Variants in LRRC7 observed in about 807,000 individuals in gnomAD.
LRRC7 encodes leucine rich repeat containing 7.
Under a neutral mutation model 175.7 loss-of-function variants are expected in LRRC7, and 23 were observed. The ratio of observed to expected loss-of-function variants is 0.13; its 90% confidence interval spans 0.09 to 0.19. The LOEUF (loss-of-function observed/expected upper bound fraction) is 0.19. Ranked by LOEUF, LRRC7 falls within the 10% of genes least tolerant of loss-of-function variation. The pLI, the probability that LRRC7 is intolerant of heterozygous loss-of-function variation, is 1.00. For missense variants in LRRC7, 1,354 were observed against 1,904.7 expected, an observed-to-expected ratio of 0.71 and a Z score of 5.38; for synonymous variants, 685 against 680.9, an observed-to-expected ratio of 1.01 and a Z score of -0.09.
chr1:69,977,095 C>T lies in LRRC7; in HGVS notation c.712-3284C>T, dbSNP rs186752478. 1.6e-3 allele frequency among the ~76,000 whole-genome samples: 238 copies of T among 152,334 alleles called. 3 individuals are homozygous for T. The Middle Eastern group carries it at 0.02, about 13-fold the overall frequency. On this transcript the variant is annotated intron_variant, in intron 8 of 26. Transcript: ENST00000651989. ...GGTGACATCACCACATGCTGGGAAA[C>T]TGGAAGACATGTTTGTGCATGACTC...
intron 16 of LRRC7, among the ~76,000 whole-genome samples, chr1:70,022,868 A>G (rs1292931850): frequency 6.6e-6 from 1 of 152,164 alleles, no homozygotes; most frequent in Admixed American, 6.5e-5. Flanking sequence ...TTCAACTTTC[A>G]AATGGACTAG....
chr1:69,735,212 A>G (rs1196781914), intron 2 of LRRC7, among the ~76,000 whole-genome samples: 2 of 152,068 alleles, frequency 1.3e-5, no homozygotes, highest in East Asian at 1.9e-4. Flanking sequence ...TATCTAATAT[A>G]TAATTCATAT....
At chr1:69,725,876 T>A (rs1369349772) in intron 2 of LRRC7, among the ~76,000 whole-genome samples, 1 of 152,160 alleles carries the variant, frequency 6.6e-6, no homozygotes, top group Non-Finnish European at 1.5e-5. Flanking sequence ...TACCAGGAAA[T>A]CAAGTTTTGA....
intron 26 of LRRC7, among the ~76,000 whole-genome samples, chr1:70,118,954 T>TA (rs893807105): frequency 1.7e-3 from 250 of 151,230 alleles, no homozygotes; most frequent in African/African-American, 5.7e-3. Context: ...ACACCTTGTT[T>TA]AAAAAAAAAT....
Position 69,568,494 on chromosome 1 carries a change from T to A in LRRC7, c.-146T>A. ...TGGATTCCCCTCTATCTCCTGTTCT[T>A]CCTACCTTCTACTCCTTCCCTCCTC... is the stretch of plus-strand genomic sequence containing the variant. On this transcript the variant is annotated 5_prime_UTR_variant, in exon 1 of 27. Transcript: ENST00000651989. 1 of 598,332 alleles carries A rather than the reference T, an allele frequency of 1.7e-6. No homozygotes were observed. The highest frequency in any genetic ancestry group is 1.9e-5 in the South Asian group (1 of 51,342). 37.1% of individuals were successfully genotyped at this position (598,332 alleles called of 1,614,324 possible).
intron 14 of LRRC7, 53 bp downstream of exon 14, chr1:70,016,587 T>C: frequency 7.4e-7 from 1 of 1,349,536 alleles, no homozygotes; most frequent in South Asian, 1.5e-5. Context: ...TAATTGAAAG[T>C]TTGAATTACT....
intron 8 of LRRC7, among the ~76,000 whole-genome samples, chr1:69,954,375 T>A (rs1650275287): frequency 6.6e-6 from 1 of 152,036 alleles, no homozygotes; most frequent in Non-Finnish European, 1.5e-5. Context: ...AGAGCTCTCA[T>A]TTTTGTTTCA....
At position 70,028,255 on chromosome 1, in the gene LRRC7, A is replaced by C. The variant is rs534680122; in HGVS notation, c.1879A>C (p.Lys627Gln). 2.4e-5 allele frequency: 38 copies of C among 1,613,850 alleles called. No individual in the cohort carries two copies. The South Asian group carries it at 4.2e-4, about 18-fold the overall frequency. The change falls in exon 18 of 27, where the codon AAG becomes CAG. Residue 627 changes from lysine to glutamine, a missense_variant. Physicochemically the swap from Lys to Gln is moderately conservative, Grantham distance 53. Coordinates refer to ENST00000651989, the MANE Select transcript of LRRC7 (RefSeq NM_001370785.2). The part of the protein sequence containing the change: ...MVKSVQNLVG[K>Q]PSHGVRVENS... ...AAAATCTGTTCAAAATTTGGTGGGTAAGCCAAGCCATGGAGTGCGTGTTGA... is the reference window on the plus strand; with the variant it reads ...AAAATCTGTTCAAAATTTGGTGGGTCAGCCAAGCCATGGAGTGCGTGTTGA...
Position 70,073,758 on chromosome 1 carries a change from T to C in LRRC7, c.4231-2319T>C, listed in dbSNP as rs565394692. On this transcript the variant is annotated intron_variant, in intron 23 of 26. Transcript: ENST00000651989. The stretch of plus-strand genomic sequence containing the variant: ...TGAAGACCCATGAATATTCTGCCAG[T>C]GGAAGCAGATATAAACTTAAAAATC... Among the ~76,000 whole-genome samples, 13 of 152,336 alleles carry C rather than the reference T, an allele frequency of 8.5e-5. No individual in the cohort carries two copies. In the East Asian group the frequency reaches 2.3e-3, roughly 27 times the overall value.
chr1:69,716,578 A>G (rs1003310076), intron 2 of LRRC7, among the ~76,000 whole-genome samples: 2 of 151,872 alleles, frequency 1.3e-5, no homozygotes, highest in Admixed American at 6.6e-5. Context: ...AAATGCATTG[A>G]TTCCTCTCAT....
chr1:69,741,368 C>T (rs531057043), intron 2 of LRRC7, among the ~76,000 whole-genome samples: 9 of 151,622 alleles, frequency 5.9e-5, no homozygotes, highest in African/African-American at 1.5e-4. Flanking sequence ...TTTGTTTGTT[C>T]GCTAAATCTG....
chr1:69,785,557 T>C (rs776894558), intron 3 of LRRC7, among the ~76,000 whole-genome samples: 1 of 152,170 alleles, frequency 6.6e-6, no homozygotes, highest in Non-Finnish European at 1.5e-5. Flanking sequence ...GTGTTGCTAC[T>C]TCTGAGTCTT....
intron 2 of LRRC7, among the ~76,000 whole-genome samples, chr1:69,719,445 C>G (rs546874632): frequency 1.3e-5 from 2 of 151,546 alleles, no homozygotes; most frequent in African/African-American, 4.8e-5. Flanking sequence ...TAACTATTTT[C>G]TAATCCTTAA....
chr1:69,914,426 C>A (rs563541441), intron 7 of LRRC7, among the ~76,000 whole-genome samples: 2 of 152,222 alleles, frequency 1.3e-5, no homozygotes, highest in East Asian at 3.9e-4. Flanking sequence ...GCTTTGCAAT[C>A]GGATAAATGC....
chr1:70,109,498 G>A (rs1018619723), intron 26 of LRRC7, among the ~76,000 whole-genome samples: 1 of 152,140 alleles, frequency 6.6e-6, no homozygotes, highest in African/African-American at 2.4e-5. Context: ...ATAGCAGTTG[G>A]TCTTTTGAGC....
At chr1:69,978,006 C>T (rs1653002732) in intron 8 of LRRC7, among the ~76,000 whole-genome samples, 1 of 151,004 alleles carries the variant, frequency 6.6e-6, no homozygotes, top group East Asian at 2.0e-4. Flanking sequence ...TTTGCTTCTC[C>T]TTCATAAGCA....
intron 26 of LRRC7, among the ~76,000 whole-genome samples, chr1:70,120,984 CA>C (rs1666176041): frequency 6.6e-6 from 1 of 151,978 alleles, no homozygotes. Flanking sequence ...TAGAGAAAAT[CA>C]GAGACCCATA....
At chr1:69,960,721 A>C (rs1206872971) in intron 8 of LRRC7, among the ~76,000 whole-genome samples, 1 of 152,126 alleles carries the variant, frequency 6.6e-6, no homozygotes, top group African/African-American at 2.4e-5. Flanking sequence ...AACTAAAGAC[A>C]AAAACCATAT....
intron 1 of LRRC7, among the ~76,000 whole-genome samples, chr1:69,570,451 C>G (rs1645696012): frequency 6.6e-6 from 1 of 150,818 alleles, no homozygotes; most frequent in Non-Finnish European, 1.5e-5. Context: ...ACCCCTTGCT[C>G]CAGCCAGCCC....
Sources: allele counts gnomAD v4.1 joint callset (sites outside exome capture counted in the v4.1 genomes callset), GRCh38; gene constraint gnomAD v4.1.1; transcripts MANE v1.5; gene names NCBI Gene and HGNC (gene_info 2026-07-23, HGNC 2026-07-21).